Variants in EDRF1 observed in about 807,000 individuals in gnomAD.
EDRF1 encodes the protein erythroid differentiation-related factor 1.
In EDRF1, 69 loss-of-function variants were observed where a neutral mutation model predicts 148.7. The observed-to-expected ratio is 0.46, with a 90% CI of 0.38 to 0.57. The LOEUF (loss-of-function observed/expected upper bound fraction) is 0.57, where lower values mean the gene tolerates loss of function less well. Among genes scored for constraint, EDRF1 ranks in the 20% least tolerant of loss-of-function variants. EDRF1 has a pLI of 0.00. For synonymous variants in EDRF1, 515 were observed against 532.8 expected (o/e 0.97, Z 0.46); for missense variants, 1,118 against 1,478.7 (o/e 0.76, Z 4.00).
At chr10:125,749,061 G>A in intron 21 of EDRF1, 1 of 331,740 alleles carries the variant, frequency 3.0e-6, no homozygotes, top group Non-Finnish European at 5.8e-6. Flanking sequence ...GAGCAGCCTA[G>A]CCAACATGAC....
At position 125,723,207 on chromosome 10, in the gene EDRF1, T is replaced by G; in HGVS notation, c.384+73T>G. On this transcript the variant is annotated intron_variant, in intron 3 of 24. Coordinates refer to ENST00000356792, the MANE Select transcript of EDRF1 (RefSeq NM_001202438.2). ...AGGTGTTTTATATCATGCTGTGTTT[T>G]GCATAATATAAATGTGCAAGTCTTG... is the stretch of plus-strand genomic sequence containing the variant. The G allele has an allele frequency of 4.6e-6, 6 of 1,304,824 alleles. 1 individual carries two copies. The East Asian group carries it at 9.2e-5, about 20-fold the overall frequency. 80.8% of individuals were successfully genotyped at this position (1,304,824 alleles called of 1,614,324 possible). A position where few individuals can be genotyped will look rare whatever the true frequency, so the allele number is the denominator to read the frequency against.
At chr10:125,757,981 G>A (rs1024653666) in intron 24 of EDRF1, among the ~76,000 whole-genome samples, 1 of 152,112 alleles carries the variant, frequency 6.6e-6, no homozygotes, top group African/African-American at 2.4e-5. Flanking sequence ...ATGTTAGACT[G>A]TTTGATGTTA....
intron 4 of EDRF1, 85 bp downstream of exon 4, chr10:125,724,021 G>T: frequency 6.6e-7 from 1 of 1,519,814 alleles, no homozygotes; most frequent in Non-Finnish European, 9.1e-7. Context: ...AATGGCCAAA[G>T]TGGAAATGTA....
chr10:125,762,763 T>C, intron 24 of EDRF1, among the ~76,000 whole-genome samples: 1 of 152,176 alleles, frequency 6.6e-6, no homozygotes, highest in East Asian at 1.9e-4. Context: ...TAGTTCTAGC[T>C]CTAGAGACGG....
chr10:125,759,980 G>C (rs1287545519), intron 24 of EDRF1, among the ~76,000 whole-genome samples: 2 of 152,212 alleles, frequency 1.3e-5, no homozygotes, highest in Non-Finnish European at 2.9e-5. Context: ...AAAGTGCCGG[G>C]ATTACAAGTG....
intron 16 of EDRF1, 97 bp from the exon 17 acceptor site, chr10:125,740,904 A>C: frequency 7.6e-7 from 1 of 1,310,192 alleles, no homozygotes; most frequent in Admixed American, 1.7e-5. Flanking sequence ...CAGTGCTACA[A>C]AGCGTTCAGC....
chr10:125,752,842 T>C lies in EDRF1; in HGVS notation c.3321T>C (p.Ala1107=). The C allele has an allele frequency of 6.2e-7, 1 of 1,614,082 alleles. No individual in the cohort carries two copies. The highest frequency in any genetic ancestry group is 8.5e-7 in the Non-Finnish European group (1 of 1,180,006). Reference sequence around the variant, plus strand: ...GAAAGTTGAAAACACTATCTGGGGCTCTTGATATAATGGTGAGAACTGAGC... The same window carrying C: ...GAAAGTTGAAAACACTATCTGGGGCCCTTGATATAATGGTGAGAACTGAGC... ...NVGKLKTLSG[A]LDIMVRTEHA... Residue 1107 remains alanine (A), a synonymous_variant, in exon 23 of 25, where the codon GCT becomes GCC. Coordinates refer to ENST00000356792, the MANE Select transcript of EDRF1 (RefSeq NM_001202438.2).
chr10:125,737,949 C>T lies in EDRF1; in HGVS notation c.1790C>T (p.Thr597Ile). ...TGTGCATTTCCAGTTTGCCATGACA[C>T]AGAAGAGCGCTGTAGACTTGTGCTT... is the stretch of plus-strand genomic sequence containing the variant. The part of the protein sequence containing the change: ...PSCAFPVCHD[T>I]EERCRLVLSY... The change falls in exon 14 of 25, where the codon ACA becomes ATA. Residue 597 changes from threonine (T) to isoleucine (I), a missense_variant. Physicochemically the swap from Thr to Ile is moderately conservative, Grantham distance 89. Around this residue, in one of 3 missense-constraint regions of EDRF1, gnomAD observed 954 missense variants for 1,241.4 expected, o/e 0.77. Coordinates refer to ENST00000356792, the MANE Select transcript of EDRF1 (RefSeq NM_001202438.2). 1 of 1,613,984 alleles carries T rather than the reference C, an allele frequency of 6.2e-7. No individual in the cohort carries two copies. The highest frequency in any genetic ancestry group is 8.5e-7 in the Non-Finnish European group (1 of 1,179,924).
chr10:125,724,854 A>T (rs1848177019), intron 4 of EDRF1, among the ~76,000 whole-genome samples: 1 of 152,216 alleles, frequency 6.6e-6, no homozygotes, highest in Non-Finnish European at 1.5e-5. Context: ...GATAAAGAAA[A>T]TTAAATTATG....
At chr10:125,752,777 C>A in intron 22 of EDRF1, 22 bp from the exon 23 acceptor site, 1 of 1,472,006 alleles carries the variant, frequency 6.8e-7, no homozygotes, top group Non-Finnish European at 9.5e-7. Context: ...AAGAAATGAA[C>A]GTTTTGTATT....
At chr10:125,742,715 A>G (rs866739972) in intron 17 of EDRF1, 2 of 984,688 alleles carry the variant, frequency 2.0e-6, no homozygotes, top group African/African-American at 1.7e-5. Context: ...TTCAAGAACT[A>G]TTTCCATTAG....
chr10:125,733,673 A>G lies in EDRF1; in HGVS notation c.1315A>G (p.Thr439Ala), dbSNP rs1411917769. The change falls in exon 11 of 25, where the codon ACT becomes GCT. Residue 439 changes from threonine (T) to alanine (A), a missense_variant. Thr to Ala is a moderately conservative substitution (Grantham distance 58). This residue lies in a region of EDRF1 where 954 missense variants were observed against 1,241.4 expected (regional missense o/e 0.77). Transcript: ENST00000356792. Reference protein sequence around the residue: ...SDIVKLYDLTTLCEETEDKYQ... With the variant: ...SDIVKLYDLTALCEETEDKYQ... ...TATAGTGAAGCTCTATGACCTCACT[A>G]CTCTTTGTGAAGAAACTGAAGACAA... The G allele has an allele frequency of 1.2e-6, 2 of 1,613,552 alleles. No homozygotes were observed. Among genetic ancestry groups the G allele is most frequent in the Admixed American group, 1.7e-5 (1 of 60,000 alleles).
intron 13 of EDRF1, among the ~76,000 whole-genome samples, chr10:125,736,268 A>G (rs1409363260): frequency 6.6e-6 from 1 of 152,148 alleles, no homozygotes. Flanking sequence ...CATAGAGTAG[A>G]GAAGGGGGTG....
intron 24 of EDRF1, among the ~76,000 whole-genome samples, chr10:125,757,708 C>G (rs1488001498): frequency 4.6e-5 from 7 of 152,176 alleles, no homozygotes; most frequent in Admixed American, 4.6e-4. Context: ...GTATAGAATT[C>G]TGGGTTAACA....
intron 22 of EDRF1, chr10:125,752,098 G>A (rs1849674735): frequency 6.6e-6 from 1 of 152,212 alleles, no homozygotes; most frequent in Admixed American, 6.5e-5. Flanking sequence ...TTACCCTGGG[G>A]CCCAAAGTCC....
intron 15 of EDRF1, among the ~76,000 whole-genome samples, chr10:125,739,133 A>T (rs1014091617): frequency 2.6e-5 from 4 of 152,160 alleles, no homozygotes; most frequent in African/African-American, 9.7e-5. Flanking sequence ...AAAAAAAAAA[A>T]AAGTGTAGAA....
intron 14 of EDRF1, 50 bp from the exon 15 acceptor site, chr10:125,738,245 C>T: frequency 4.4e-6 from 7 of 1,606,364 alleles, no homozygotes; most frequent in Non-Finnish European, 6.0e-6. Flanking sequence ...ATTTAGTTTT[C>T]AGTTGACCTG....
In EDRF1 at chr10:125,749,484, T is replaced by C; in HGVS notation, c.3196T>C (p.Phe1066Leu). The change falls in exon 22 of 25, where the codon TTT (phenylalanine) becomes CTT (leucine). Residue 1066 changes from phenylalanine (F) to leucine (L), a missense_variant. Phe to Leu is a conservative substitution (Grantham distance 22). Coordinates refer to ENST00000356792, the MANE Select transcript of EDRF1 (RefSeq NM_001202438.2). ...TCATTACAGCAAGGCCGCAAAGCTG[T>C]TTCAGCTGCTGAAAGATGCTCCCTG... is the stretch of plus-strand genomic sequence containing the variant. Reference protein sequence around the residue: ...DLHYSKAAKLFQLLKDAPCEL... With the variant: ...DLHYSKAAKLLQLLKDAPCEL... 6.2e-7 allele frequency: 1 copy of C among 1,614,172 alleles called. No homozygotes were observed. The highest frequency in any genetic ancestry group is 8.5e-7 in the Non-Finnish European group (1 of 1,180,018).
chr10:125,737,844 AATCT>A, intron 13 of EDRF1, 70 bp from the exon 14 acceptor site: 1 of 1,419,346 alleles, frequency 7.0e-7, no homozygotes, highest in Non-Finnish European at 9.9e-7. Flanking sequence ...ACAGTAATTT[AATCT>A]TCAACAAAAA....
Sources: allele counts gnomAD v4.1 joint callset (sites outside exome capture counted in the v4.1 genomes callset), GRCh38; gene constraint gnomAD v4.1.1; regional missense constraint gnomAD v4.1.1; transcripts MANE v1.5; gene names NCBI Gene and HGNC (gene_info 2026-07-23, HGNC 2026-07-21).